The following R3HDM2 variants were observed in gnomAD, a reference collection of about 807,000 sequenced individuals.
R3HDM2 encodes R3H domain-containing protein 2.
A neutral mutation model predicts 124.5 loss-of-function variants in R3HDM2; 38 were observed. The ratio of observed to expected loss-of-function variants is 0.31; its 90% CI spans 0.24 to 0.40. The LOEUF is 0.40. Ranked by LOEUF, R3HDM2 falls within the 10% of genes least tolerant of loss-of-function variation. The pLI, the probability that R3HDM2 is intolerant of heterozygous loss-of-function variation, is 1.00. For missense variants in R3HDM2, 869 were observed against 1,236.9 expected (o/e 0.70, Z 4.46); for synonymous variants, 391 against 448.0 (o/e 0.87, Z 1.61).
intron 10 of R3HDM2, among the ~76,000 whole-genome samples, chr12:57,293,841 T>C (rs2049154698): frequency 6.6e-6 from 1 of 152,198 alleles, no homozygotes; most frequent in African/African-American, 2.4e-5. Context: ...TAGTTCTCAT[T>C]AGCTTCAAGA....
intron 2 of R3HDM2, among the ~76,000 whole-genome samples, chr12:57,343,155 C>T (rs527562369): frequency 2.0e-5 from 3 of 149,796 alleles, no homozygotes; most frequent in East Asian, 1.9e-4. Flanking sequence ...GGCTCTGGAA[C>T]GGCAAGCTTA....
chr12:57,299,544 T>C, intron 5 of R3HDM2, 66 bp from the exon 6 acceptor site: 2 of 1,453,240 alleles, frequency 1.4e-6, no homozygotes, highest in Non-Finnish European at 1.9e-6. Flanking sequence ...TCCCTTGGAA[T>C]CTCAAAGAAG....
intron 13 of R3HDM2, 107 bp downstream of exon 13, chr12:57,283,717 C>T (rs1182993618): frequency 8.9e-7 from 1 of 1,118,220 alleles, no homozygotes; most frequent in Non-Finnish European, 1.3e-6. Context: ...CCAGCCTGGG[C>T]AACAGAGGAG....
Position 57,257,974 on chromosome 12 carries a change from T to C in R3HDM2, c.2449+16A>G. On this transcript the variant is annotated intron_variant, in intron 21 of 23. Coordinates refer to ENST00000402412, the MANE Select transcript of R3HDM2 (RefSeq NM_001394031.1). ...AGGTGAATTCCATAGCAGCCAGCAC[T>C]AATCTAACCCCCTACCCTGTGCTGG... 6.7e-7 allele frequency: 1 copy of C among 1,486,316 alleles called. No homozygotes were observed. The highest frequency in any genetic ancestry group is 2.4e-5 in the East Asian group (1 of 42,422). 92.1% of individuals were successfully genotyped at this position (1,486,316 alleles called of 1,614,324 possible). A position where few individuals can be genotyped will look rare whatever the true frequency, so the allele number is the denominator to read the frequency against.
chr12:57,341,959 T>C (rs1001482326), intron 2 of R3HDM2, among the ~76,000 whole-genome samples: 1 of 152,174 alleles, frequency 6.6e-6, no homozygotes, highest in East Asian at 1.9e-4. Flanking sequence ...GCAAACCTAA[T>C]TTTTATAATA....
chr12:57,277,294 G>A (rs893022044), intron 14 of R3HDM2, among the ~76,000 whole-genome samples: 2 of 151,946 alleles, frequency 1.3e-5, no homozygotes, highest in South Asian at 2.1e-4. Flanking sequence ...CTGGTTTCAC[G>A]AGCTTCACCG....
intron 7 of R3HDM2, 124 bp downstream of exon 7, chr12:57,297,966 C>G: frequency 1.4e-6 from 1 of 725,136 alleles, no homozygotes. Context: ...CTGACAAATA[C>G]TAGGGGGACA....
intron 18 of R3HDM2, among the ~76,000 whole-genome samples, chr12:57,267,864 A>T (rs992799531): frequency 6.6e-6 from 1 of 152,212 alleles, no homozygotes; most frequent in Non-Finnish European, 1.5e-5. Flanking sequence ...GGTGCCTTCT[A>T]CCACTAAAAA....
At chr12:57,366,770 A>T (rs566883976) in intron 2 of R3HDM2, among the ~76,000 whole-genome samples, 9 of 152,234 alleles carry the variant, frequency 5.9e-5, no homozygotes, top group African/African-American at 2.2e-4. Flanking sequence ...GCTCACTGCA[A>T]GCTCTGCCTC....
chr12:57,262,964 A>G (rs970409834), intron 19 of R3HDM2, among the ~76,000 whole-genome samples: 5 of 152,196 alleles, frequency 3.3e-5, no homozygotes, highest in Admixed American at 6.5e-5. Flanking sequence ...CAGACGATAA[A>G]GAGGGATTCT....
intron 4 of R3HDM2, among the ~76,000 whole-genome samples, chr12:57,300,935 G>A (rs1287524250): frequency 6.6e-6 from 1 of 151,556 alleles, no homozygotes; most frequent in Non-Finnish European, 1.5e-5. Context: ...CCCTATCTCT[G>A]CAAAAAAATT....
intron 2 of R3HDM2, among the ~76,000 whole-genome samples, chr12:57,356,520 C>A (rs550380445): frequency 6.6e-6 from 1 of 152,118 alleles, no homozygotes; most frequent in Non-Finnish European, 1.5e-5. Context: ...TTTGTATCCA[C>A]GTACACAAGA....
intron 1 of R3HDM2, among the ~76,000 whole-genome samples, chr12:57,399,814 G>T (rs949908354): frequency 6.6e-6 from 1 of 152,104 alleles, no homozygotes; most frequent in Non-Finnish European, 1.5e-5. Context: ...GCTAAATCTT[G>T]AACAATGACT....
intron 2 of R3HDM2, among the ~76,000 whole-genome samples, chr12:57,351,930 AAAG>A (rs1010656373): frequency 1.6e-4 from 24 of 152,190 alleles, no homozygotes; most frequent in African/African-American, 5.5e-4. Flanking sequence ...CATAAAAAAC[AAAG>A]AAGGTGTAAT....
intron 2 of R3HDM2, among the ~76,000 whole-genome samples, chr12:57,371,751 T>A (rs1044610746): frequency 2.6e-5 from 4 of 152,196 alleles, no homozygotes; most frequent in Non-Finnish European, 5.9e-5. Context: ...TCTTTGAGCA[T>A]AGTCTAAGGG....
intron 2 of R3HDM2, among the ~76,000 whole-genome samples, chr12:57,346,808 GT>G (rs1249611836): frequency 2.6e-5 from 4 of 152,318 alleles, no homozygotes; most frequent in Admixed American, 6.5e-5. Context: ...GAGAGCGAAA[GT>G]TTTAAGTTGA....
intron 2 of R3HDM2, among the ~76,000 whole-genome samples, chr12:57,360,015 A>ATG (rs1309211150): frequency 3.4e-5 from 3 of 88,404 alleles, no homozygotes; most frequent in Admixed American, 3.2e-4. Context: ...AAATATATAT[A>ATG]TATATATACA....
chr12:57,415,966 G>C (rs1403382161), intron 1 of R3HDM2, among the ~76,000 whole-genome samples: 1 of 152,136 alleles, frequency 6.6e-6, no homozygotes, highest in South Asian at 2.1e-4. Flanking sequence ...AGGATTGTGG[G>C]GGTAAGTTGT....
Position 57,268,983 on chromosome 12 carries a change from C to T in R3HDM2, c.1814G>A (p.Ser605Asn), listed in dbSNP as rs2043046480. Residue 605 changes from serine to asparagine, a missense_variant, in exon 17 of 24, where the codon AGC becomes AAC. Physicochemically the swap from Ser to Asn is conservative, Grantham distance 46. Around this residue, in one of 2 missense-constraint regions of R3HDM2, gnomAD observed 602 missense variants for 789.2 expected, o/e 0.76. Coordinates refer to ENST00000402412, the MANE Select transcript of R3HDM2 (RefSeq NM_001394031.1). ...QNQGLLSSQR[S>N]SMGGQMQGLV... is the part of the protein sequence containing the mutation. ...GCCTTGCATCTGGCCCCCCATGCTGCTCCTCTGGCTGCTGAGCAGGCCCTG... is the reference window on the plus strand; with the variant it reads ...GCCTTGCATCTGGCCCCCCATGCTGTTCCTCTGGCTGCTGAGCAGGCCCTG... 6.2e-7 allele frequency: 1 copy of T among 1,614,132 alleles called. No homozygotes were observed. Among genetic ancestry groups the T allele is most frequent in the Non-Finnish European group, 8.5e-7 (1 of 1,180,060 alleles).
Sources: allele counts gnomAD v4.1 joint callset (sites outside exome capture counted in the v4.1 genomes callset), GRCh38; gene constraint gnomAD v4.1.1; regional missense constraint gnomAD v4.1.1; transcripts MANE v1.5; gene names NCBI Gene and HGNC (gene_info 2026-07-23, HGNC 2026-07-21).